Variants in CYRIA observed in about 807,000 individuals in gnomAD.
The protein encoded by CYRIA is CYFIP related Rac1 interactor A, also known as CYFIP-related Rac1 interactor A.
A neutral mutation model predicts 43.9 loss-of-function variants in CYRIA; 15 were observed. The observed-to-expected ratio is 0.34, with a 90% CI of 0.23 to 0.53. CYRIA has a LOEUF of 0.53. Among genes scored for constraint, CYRIA ranks in the 20% least tolerant of loss-of-function variants. The probability of loss-of-function intolerance (pLI) is 0.94; values close to 1 mark genes in which losing one functional copy is unlikely to be tolerated. For missense variants in CYRIA, 236 were observed against 394.2 expected, an observed-to-expected ratio of 0.60 and a Z score of 3.40; for synonymous variants, 117 against 136.0, an observed-to-expected ratio of 0.86 and a Z score of 0.97.
At chr2:16,565,449 G>A (rs564248712) in intron 4 of CYRIA, among the ~76,000 whole-genome samples, 197 bp downstream of exon 4, 2 of 152,286 alleles carry the variant, frequency 1.3e-5, no homozygotes, top group East Asian at 1.9e-4. Flanking sequence ...GCCTCCCAAA[G>A]TACTGGGATT....
intron 6 of CYRIA, 129 bp downstream of exon 6, chr2:16,561,876 T>C (rs2103411857): frequency 1.2e-6 from 1 of 847,250 alleles, no homozygotes; most frequent in Non-Finnish European, 1.8e-6. Flanking sequence ...ACATTATATG[T>C]CTCTCTAGGG....
At chr2:16,643,274 C>T (rs1669728701) in intron 1 of CYRIA, among the ~76,000 whole-genome samples, 2 of 152,086 alleles carry the variant, frequency 1.3e-5, no homozygotes, top group South Asian at 2.1e-4. Context: ...ATCCTTGAAC[C>T]GTAGCTTAAA....
At chr2:16,591,821 A>T (rs1667941433) in intron 2 of CYRIA, among the ~76,000 whole-genome samples, 1 of 152,146 alleles carries the variant, frequency 6.6e-6, no homozygotes, top group Non-Finnish European at 1.5e-5. Flanking sequence ...TATTACTTAA[A>T]TATAGTATGT....
intron 2 of CYRIA, among the ~76,000 whole-genome samples, chr2:16,617,316 C>T (rs980215406): frequency 2.0e-5 from 3 of 152,284 alleles, no homozygotes; most frequent in Admixed American, 1.3e-4. Flanking sequence ...GCACCTGGCC[C>T]CAACCCCCGG....
intron 1 of CYRIA, among the ~76,000 whole-genome samples, chr2:16,648,039 C>A (rs936191862): frequency 3.3e-5 from 5 of 152,190 alleles, no homozygotes; most frequent in African/African-American, 1.2e-4. Context: ...CCTCACAGCA[C>A]CCCTAAGAGA....
chr2:16,619,715 A>T (rs1312143045), intron 2 of CYRIA, among the ~76,000 whole-genome samples: 1 of 152,186 alleles, frequency 6.6e-6, no homozygotes, highest in Non-Finnish European at 1.5e-5. Context: ...TTGGGAACAA[A>T]GTGGGAGGAT....
At chr2:16,610,926 A>ATATATATATG (rs1668574688) in intron 2 of CYRIA, among the ~76,000 whole-genome samples, 1 of 99,140 alleles carries the variant, frequency 1.0e-5, no homozygotes, top group Non-Finnish European at 2.0e-5. Flanking sequence ...ATATATATAT[A>ATATATATATG]TATATATATA....
At chr2:16,563,705 G>T (rs1313735758) in intron 5 of CYRIA, among the ~76,000 whole-genome samples, 1 of 152,102 alleles carries the variant, frequency 6.6e-6, no homozygotes, top group South Asian at 2.1e-4. Flanking sequence ...AATGTGATCA[G>T]CCCACAGTAA....
intron 2 of CYRIA, among the ~76,000 whole-genome samples, chr2:16,620,255 G>C (rs1668950682): frequency 6.6e-6 from 1 of 152,220 alleles, no homozygotes; most frequent in African/African-American, 2.4e-5. Context: ...CTGATGGGAA[G>C]AAAATGTAAC....
At chr2:16,640,929 G>C (rs912073126) in intron 1 of CYRIA, among the ~76,000 whole-genome samples, 1 of 151,996 alleles carries the variant, frequency 6.6e-6, no homozygotes, top group Admixed American at 6.6e-5. Context: ...ACAAGCACAA[G>C]GGACAGCCGA....
chr2:16,641,898 T>A (rs188765065), intron 1 of CYRIA, among the ~76,000 whole-genome samples: 1 of 152,340 alleles, frequency 6.6e-6, no homozygotes, highest in Admixed American at 6.5e-5. Flanking sequence ...TTAGCAATAA[T>A]TGACACAATT....
chr2:16,616,099 C>G (rs1207074805), intron 2 of CYRIA, among the ~76,000 whole-genome samples: 4 of 152,184 alleles, frequency 2.6e-5, no homozygotes, highest in Non-Finnish European at 5.9e-5. Flanking sequence ...CGAGGCCAGC[C>G]TGCCTCAGGC....
At chr2:16,565,065 A>G (rs571736642) in intron 4 of CYRIA, among the ~76,000 whole-genome samples, 4 of 152,310 alleles carry the variant, frequency 2.6e-5, no homozygotes, top group Non-Finnish European at 2.9e-5. Context: ...TATTGTTTAA[A>G]TGTGAGTCCT....
chr2:16,617,779 G>C (rs556729166), intron 2 of CYRIA, among the ~76,000 whole-genome samples: 5 of 152,334 alleles, frequency 3.3e-5, no homozygotes, highest in Admixed American at 2.0e-4. Flanking sequence ...GGCCATGTGG[G>C]ATTCAACAGC....
chr2:16,623,680 C>G (rs76036761), intron 2 of CYRIA, among the ~76,000 whole-genome samples, 184 bp downstream of exon 2: 2,606 of 152,282 alleles, frequency 0.017, 43 homozygotes, highest in Non-Finnish European at 0.024. Context: ...ATTCCTTAAC[C>G]CTCAAAAGCC....
At chr2:16,589,811 G>A (rs568917199) in intron 2 of CYRIA, among the ~76,000 whole-genome samples, 63 of 152,070 alleles carry the variant, frequency 4.1e-4, no homozygotes, top group South Asian at 2.5e-3. Context: ...ATAATAGGCC[G>A]TATGCTGTGC....
Position 16,561,237 on chromosome 2 carries a change from C to A in CYRIA, c.554G>T (p.Arg185Leu), listed in dbSNP as rs267598964. ...GGCTTCTGCATAGAAGAGGGACATT[C>A]GATTGGCCATCTCATTATTGACTTC... ...ENEVNNEMAN[R>L]MSLFYAEATP... The change falls in exon 8 of 12, where the codon CGA (arginine) becomes CTA (leucine). Residue 185 changes from arginine to leucine, a missense_variant. This residue lies in a region of CYRIA where 193 missense variants were observed against 303.9 expected (regional missense o/e 0.64). Transcript: ENST00000381323. The A allele has an allele frequency of 1.9e-6, 3 of 1,613,684 alleles. No individual in the cohort carries two copies. Among genetic ancestry groups the A allele is most frequent in the Non-Finnish European group, 1.7e-6 (2 of 1,179,684 alleles).
chr2:16,591,532 G>A (rs1486281663), intron 2 of CYRIA, among the ~76,000 whole-genome samples: 5 of 152,162 alleles, frequency 3.3e-5, no homozygotes, highest in Non-Finnish European at 7.3e-5. Flanking sequence ...GATGAGCTGA[G>A]TCTCAGAGCT....
At chr2:16,618,172 C>A (rs934724495) in intron 2 of CYRIA, among the ~76,000 whole-genome samples, 3 of 152,124 alleles carry the variant, frequency 2.0e-5, no homozygotes, top group Non-Finnish European at 4.4e-5. Flanking sequence ...AGAGCCCAGG[C>A]CAGGATGAGA....
Sources: gnomAD v4.1 joint callset for allele counts (sites outside exome capture counted in the v4.1 genomes callset) on GRCh38, gnomAD v4.1.1 for gene constraint, gnomAD v4.1.1 regional missense constraint, MANE v1.5 for transcripts, NCBI Gene and HGNC (gene_info 2026-07-23, HGNC 2026-07-21) for gene names.